ACSM3: variants seen among roughly 807,000 people sequenced by gnomAD.
ACSM3 encodes the protein acyl-coenzyme A synthetase ACSM3, mitochondrial.
ACSM3 carries 61 observed loss-of-function variants against 74.1 expected under a neutral mutation model. The ratio of observed to expected loss-of-function variants is 0.82; its 90% CI spans 0.67 to 1.02. The LOEUF (loss-of-function observed/expected upper bound fraction) is 1.02, where lower values mean the gene tolerates loss of function less well. Ranked by LOEUF, ACSM3 falls within the 50% of genes least tolerant of loss-of-function variation. The pLI, the probability that ACSM3 is intolerant of heterozygous loss-of-function variation, is 0.00. For synonymous variants in ACSM3, 213 were observed against 241.5 expected (o/e 0.88, Z 1.09); for missense variants, 660 against 697.0 (o/e 0.95, Z 0.60).
chr16:20,688,558 T>A (rs1311586293), intron 1 of ACSM3, among the ~76,000 whole-genome samples: 1 of 152,076 alleles, frequency 6.6e-6, no homozygotes, highest in Non-Finnish European at 1.5e-5. Flanking sequence ...CAAGAGATTC[T>A]CAATAAGATT....
At chr16:20,717,990 G>GAAGAAGAAGAAGAAA (rs1440162309) in intron 1 of ACSM3, among the ~76,000 whole-genome samples, 13 of 145,212 alleles carry the variant, frequency 9.0e-5, no homozygotes, top group Non-Finnish European at 3.1e-5. Context: ...AGAAGAAGAA[G>GAAGAAGAAGAAGAAA]AAGAAGAAGA....
intron 1 of ACSM3, chr16:20,711,636 T>G (rs1029319652): frequency 1.0e-4 from 91 of 906,828 alleles, no homozygotes; most frequent in Non-Finnish European, 1.5e-4. Context: ...TCCTGGTGTC[T>G]CCACAAAGCC....
chr16:20,706,753 C>A (rs1421678179), intron 1 of ACSM3, among the ~76,000 whole-genome samples: 1 of 152,176 alleles, frequency 6.6e-6, no homozygotes, highest in Non-Finnish European at 1.5e-5. Context: ...AAGACAGGCC[C>A]ACTGAACTTG....
At chr16:20,725,372 C>T in intron 1 of ACSM3, 1 of 246,564 alleles carries the variant, frequency 4.1e-6, no homozygotes, top group Non-Finnish European at 9.0e-6. Context: ...ACACTTACCA[C>T]TTATCCCATC....
chr16:20,729,731 T>G (rs1425898187), intron 1 of ACSM3, among the ~76,000 whole-genome samples: 1 of 151,786 alleles, frequency 6.6e-6, no homozygotes, highest in African/African-American at 2.4e-5. Flanking sequence ...GGGGAGCTAT[T>G]AGGATTCTTT....
intron 1 of ACSM3, chr16:20,738,111 T>C (rs554839218): frequency 2.6e-6 from 2 of 755,650 alleles, no homozygotes; most frequent in East Asian, 5.0e-5. Context: ...CCAAACAGTA[T>C]TTCTTCAGTG....
chr16:20,684,058 A>T (rs998473226), intron 1 of ACSM3, among the ~76,000 whole-genome samples: 3 of 152,230 alleles, frequency 2.0e-5, no homozygotes, highest in South Asian at 2.1e-4. Context: ...AGAGTGCTGT[A>T]CACATGATAA....
chr16:20,689,132 A>G (rs893295313), intron 1 of ACSM3, among the ~76,000 whole-genome samples: 17 of 151,518 alleles, frequency 1.1e-4, no homozygotes, highest in Non-Finnish European at 2.1e-4. Flanking sequence ...ATAGAACTGT[A>G]AAGGGGAAGG....
chr16:20,745,640 C>G (rs1464446989), intron 1 of ACSM3, among the ~76,000 whole-genome samples: 1 of 152,128 alleles, frequency 6.6e-6, no homozygotes, highest in African/African-American at 2.4e-5. Context: ...GTGGCACCAT[C>G]TAGAGTAGAT....
At position 20,785,084 on chromosome 16, in the gene ACSM3, G is replaced by A. The variant is rs538407351; in HGVS notation, c.1120G>A (p.Glu374Lys). ...WRNKTGLDIY[E>K]GYGQTETVLI... ...AAACAAGACGGGCCTGGATATCTAC[G>A]AAGGATATGGACAGACTGAAACGGT... Residue 374 changes from glutamate to lysine, a missense_variant, in exon 8 of 14, where the codon GAA becomes AAA. Transcript: ENST00000289416. 1.6e-5 allele frequency: 26 copies of A among 1,613,336 alleles called. No individual in the cohort carries two copies. The highest frequency in any genetic ancestry group is 9.9e-5 in the South Asian group (9 of 91,066).
upstream of ACSM3, among the ~76,000 whole-genome samples, chr16:20,762,271 G>GA (rs201250468): frequency 0.013 from 1,972 of 148,158 alleles, 39 homozygotes; most frequent in South Asian, 0.04. Context: ...TGTGAGAGTA[G>GA]AAAAAAAAAC....
intron 1 of ACSM3, chr16:20,737,100 T>C: frequency 6.2e-7 from 1 of 1,614,228 alleles, no homozygotes; most frequent in Non-Finnish European, 8.5e-7. Context: ...CCCATTTCCC[T>C]GCTTTGAGTT....
chr16:20,733,195 AATG>A (rs980458974), intron 1 of ACSM3, among the ~76,000 whole-genome samples: 1 of 152,186 alleles, frequency 6.6e-6, no homozygotes, highest in African/African-American at 2.4e-5. Flanking sequence ...TGACAAAGGT[AATG>A]ATGGTTTCTA....
intron 1 of ACSM3, chr16:20,732,996 T>C (rs2079840137): frequency 6.4e-6 from 1 of 155,246 alleles, no homozygotes; most frequent in Non-Finnish European, 1.5e-5. Context: ...CATAGCTTGA[T>C]AAAAAAGCTG....
chr16:20,702,116 A>G (rs549264665), intron 1 of ACSM3, among the ~76,000 whole-genome samples: 7 of 152,316 alleles, frequency 4.6e-5, no homozygotes, highest in African/African-American at 1.4e-4. Flanking sequence ...AGAAATCCCC[A>G]CACTGTCTTC....
At chr16:20,763,433 T>C (rs1352510903), upstream of ACSM3, among the ~76,000 whole-genome samples, 3 of 152,072 alleles carry the variant, frequency 2.0e-5, no homozygotes, top group African/African-American at 7.2e-5. Flanking sequence ...GCAAGTGTGT[T>C]TGAGAAAAAG....
At chr16:20,688,638 A>G (rs987618356) in intron 1 of ACSM3, among the ~76,000 whole-genome samples, 2 of 151,106 alleles carry the variant, frequency 1.3e-5, no homozygotes, top group South Asian at 2.1e-4. Flanking sequence ...GGGCTTAAAG[A>G]AAAAAAAAGC....
At chr16:20,739,070 A>G in intron 1 of ACSM3, 1 of 1,614,110 alleles carries the variant, frequency 6.2e-7, no homozygotes. Context: ...CTTGTCTGTA[A>G]ACTGTTTGCA....
At chr16:20,795,838 T>A (rs1227512336) in intron 12 of ACSM3, among the ~76,000 whole-genome samples, 1 of 152,226 alleles carries the variant, frequency 6.6e-6, no homozygotes. Context: ...TTCTGTCTTC[T>A]CCATTACAGG....
Sources: gnomAD v4.1 joint callset for allele counts (sites outside exome capture counted in the v4.1 genomes callset) on GRCh38, gnomAD v4.1.1 for gene constraint, MANE v1.5 for transcripts, NCBI Gene and HGNC (gene_info 2026-07-23, HGNC 2026-07-21) for gene names.